ADAM9: variants seen among roughly 807,000 people sequenced by gnomAD.
ADAM9 encodes the protein ADAM metallopeptidase domain 9.
In ADAM9, 54 loss-of-function variants were observed where a neutral mutation model predicts 108.1. That is an observed-to-expected ratio of 0.50 (90% CI 0.40 to 0.63). The LOEUF is 0.63. ADAM9 is among the 20% of genes least tolerant of loss of function. The pLI, the probability that ADAM9 is intolerant of heterozygous loss-of-function variation, is 0.00. For synonymous variants in ADAM9, 316 were observed against 336.0 expected (o/e 0.94, Z 0.65); for missense variants, 830 against 997.7 (o/e 0.83, Z 2.26).
intron 16 of ADAM9, among the ~76,000 whole-genome samples, chr8:39,081,178 G>A (rs956569448): frequency 6.6e-6 from 1 of 151,754 alleles, no homozygotes; most frequent in African/African-American, 2.4e-5. Context: ...TGAACTCCTG[G>A]CCTCAAGTGA....
At chr8:39,100,490 C>CT (rs35608230) in intron 20 of ADAM9, among the ~76,000 whole-genome samples, 3 of 147,130 alleles carry the variant, frequency 2.0e-5, no homozygotes, top group Non-Finnish European at 4.5e-5. Context: ...CAGACTCCGT[C>CT]TCAAAAAAAA....
chr8:39,040,497 A>G (rs1482924147), intron 11 of ADAM9, among the ~76,000 whole-genome samples: 1 of 152,162 alleles, frequency 6.6e-6, no homozygotes, highest in Non-Finnish European at 1.5e-5. Flanking sequence ...AGAAATGTCT[A>G]TTTAAGTCTT....
rs749882470 is a variant in ADAM9 at position 39,077,309 on chromosome 8, G to A, written c.1779G>A (p.Thr593=). The A allele has an allele frequency of 4.9e-5, 79 of 1,613,932 alleles. No individual in the cohort carries two copies. Among genetic ancestry groups the A allele is most frequent in the Admixed American group, 3.0e-4 (18 of 59,984 alleles). Residue 593 remains threonine (T), a synonymous_variant, in exon 16 of 22, where the codon ACG becomes ACA. Transcript: ENST00000487273. ...GAATTGTGCCTGCTATTATTCAAAC[G>A]CCTAGTCGAGGCACCAAATGTTGGG... is the stretch of plus-strand genomic sequence containing the variant. ...VFGIVPAIIQ[T]PSRGTKCWGV...
At chr8:39,000,064 G>A (rs1196834528) in intron 1 of ADAM9, among the ~76,000 whole-genome samples, 2 of 151,232 alleles carry the variant, frequency 1.3e-5, no homozygotes, top group South Asian at 2.1e-4. Context: ...TTGCTGTGTC[G>A]CCCAGGCTGG....
At chr8:39,027,924 A>G (rs552412916) in intron 11 of ADAM9, among the ~76,000 whole-genome samples, 2 of 152,060 alleles carry the variant, frequency 1.3e-5, no homozygotes, top group Non-Finnish European at 2.9e-5. Flanking sequence ...AAATAAATAA[A>G]TAAAAAATAA....
At chr8:39,024,872 T>A (rs1195173862) in intron 9 of ADAM9, among the ~76,000 whole-genome samples, 1 of 152,160 alleles carries the variant, frequency 6.6e-6, no homozygotes, top group African/African-American at 2.4e-5. Flanking sequence ...GATTAAAATT[T>A]TAGATAAAAG....
chr8:39,039,554 C>G (rs1198792811), intron 11 of ADAM9, among the ~76,000 whole-genome samples: 1 of 152,212 alleles, frequency 6.6e-6, no homozygotes, highest in Non-Finnish European at 1.5e-5. Context: ...TGTCCCATTT[C>G]CTCCACCTCC....
Position 38,997,357 on chromosome 8 carries a change from G to T in ADAM9, c.97+197G>T, listed in dbSNP as rs887863326. Among the ~76,000 whole-genome samples, 7 of 152,098 alleles carry T rather than the reference G, an allele frequency of 4.6e-5. No individual in the cohort carries two copies. The East Asian group carries it at 1.2e-3, about 25-fold the overall frequency. On this transcript the variant is annotated intron_variant, in intron 1 of 21. Coordinates refer to ENST00000487273, the MANE Select transcript of ADAM9 (RefSeq NM_003816.3). ...GGTTTGGCGCCCCAAGCCCTTCTTGGCCCGGGTCCTCTGCCCGGCACCGCT... is the reference window on the plus strand; with the variant it reads ...GGTTTGGCGCCCCAAGCCCTTCTTGTCCCGGGTCCTCTGCCCGGCACCGCT...
chr8:39,045,576 A>ATATATATATATG lies in ADAM9; in HGVS notation c.1302+3470_1302+3471insGTATATATATAT, dbSNP rs1185741073. On this transcript the variant is annotated intron_variant, in intron 12 of 21. Coordinates refer to ENST00000487273, the MANE Select transcript of ADAM9 (RefSeq NM_003816.3). ...TGTGTATATGTGTGTGTGTGTATATATATATATATATAAAAGATTTTTCTC... is the reference window on the plus strand; with the variant it reads ...TGTGTATATGTGTGTGTGTGTATATATATATATATATGTATATATATATAAAAGATTTTTCTC... Among the ~76,000 whole-genome samples the ATATATATATATG allele has an allele frequency of 3.9e-4, 59 of 150,916 alleles. 2 individuals are homozygous for ATATATATATATG. Among genetic ancestry groups the ATATATATATATG allele is most frequent in the African/African-American group, 1.4e-3 (59 of 40,886 alleles).
intron 11 of ADAM9, among the ~76,000 whole-genome samples, chr8:39,033,677 T>C (rs529205759): frequency 5.2e-4 from 79 of 152,248 alleles, no homozygotes; most frequent in Non-Finnish European, 8.7e-4. Flanking sequence ...TCCATACCAC[T>C]GAGAAAGAAA....
At chr8:39,035,952 C>A (rs1371876394) in intron 11 of ADAM9, among the ~76,000 whole-genome samples, 1 of 151,820 alleles carries the variant, frequency 6.6e-6, no homozygotes, top group Non-Finnish European at 1.5e-5. Flanking sequence ...ATTAAACTTT[C>A]TTTTTTTGAG....
chr8:38,999,661 T>C (rs1029792274), intron 1 of ADAM9, among the ~76,000 whole-genome samples: 3 of 152,222 alleles, frequency 2.0e-5, no homozygotes, highest in Admixed American at 1.3e-4. Flanking sequence ...TTCAACCTTT[T>C]AAGTAAAAAA....
At chr8:39,044,358 T>C (rs7015505) in intron 12 of ADAM9, among the ~76,000 whole-genome samples, 64,608 of 152,038 alleles carry the variant, frequency 0.42, 14,550 homozygotes, top group East Asian at 0.73. Context: ...CCATTCTTTT[T>C]CTTAGCATCC....
At chr8:39,097,552 C>T (rs113979774) in intron 20 of ADAM9, among the ~76,000 whole-genome samples, 3,504 of 152,158 alleles carry the variant, frequency 0.023, 55 homozygotes, top group Middle Eastern at 0.068. Flanking sequence ...GTGATCCGCC[C>T]GCCCTGGCCT....
At chr8:39,022,719 A>G (rs538395983) in intron 8 of ADAM9, among the ~76,000 whole-genome samples, 1 of 146,900 alleles carries the variant, frequency 6.8e-6, no homozygotes, top group Non-Finnish European at 1.5e-5. Flanking sequence ...GTTTTATTGT[A>G]TTTTTTTTTT....
intron 14 of ADAM9, among the ~76,000 whole-genome samples, chr8:39,059,947 T>C (rs1003728620): frequency 2.5e-4 from 38 of 152,354 alleles, no homozygotes; most frequent in South Asian, 6.2e-4. Context: ...CACTTCTTTA[T>C]GTAACTTGTG....
rs546820612 is a variant in ADAM9, at chr8:39,091,530, C to T, written c.2298+184C>T. On this transcript the variant is annotated intron_variant, in intron 20 of 21. Coordinates refer to ENST00000487273, the MANE Select transcript of ADAM9 (RefSeq NM_003816.3). Reference sequence around the variant, plus strand: ...CGAGACAGAGCCTTGCTCTGTTGCCCGGGGTGGAGTACTGTGGCACAATTG... The same window carrying T: ...CGAGACAGAGCCTTGCTCTGTTGCCTGGGGTGGAGTACTGTGGCACAATTG... 3.7e-4 allele frequency among the ~76,000 whole-genome samples: 57 copies of T among 152,272 alleles called. No individual in the cohort carries two copies. The South Asian group carries it at 5.8e-3, about 16-fold the overall frequency.
intron 15 of ADAM9, among the ~76,000 whole-genome samples, chr8:39,072,549 G>A (rs1166985297): frequency 2.6e-5 from 4 of 151,986 alleles, no homozygotes; most frequent in Admixed American, 2.6e-4. Flanking sequence ...ATGTGATTTC[G>A]TTTACTTCCG....
chr8:39,000,833 G>A (rs1835970907), intron 1 of ADAM9, among the ~76,000 whole-genome samples: 1 of 152,040 alleles, frequency 6.6e-6, no homozygotes, highest in African/African-American at 2.4e-5. Context: ...TTTAAAATAT[G>A]CAGTTCTGTT....
Sources: allele counts gnomAD v4.1 joint callset (sites outside exome capture counted in the v4.1 genomes callset), GRCh38; gene constraint gnomAD v4.1.1; transcripts MANE v1.5; gene names NCBI Gene and HGNC (gene_info 2026-07-23, HGNC 2026-07-21).